Variants in TEAD1 observed in about 807,000 individuals in gnomAD.
TEAD1 encodes the protein TEA domain transcription factor 1.
A neutral mutation model predicts 54.9 loss-of-function variants in TEAD1; 9 were observed. The observed-to-expected ratio is 0.16, with a 90% CI of 0.10 to 0.29. TEAD1 has a LOEUF of 0.29. Among genes scored for constraint, TEAD1 ranks in the 10% least tolerant of loss-of-function variants. TEAD1 has a pLI of 1.00. For missense variants in TEAD1, 387 were observed against 535.9 expected (o/e 0.72, Z 2.74); for synonymous variants, 200 against 187.8 (o/e 1.07, Z -0.53).
chr11:12,929,868 G>A (rs1243020248), intron 11 of TEAD1, among the ~76,000 whole-genome samples: 1 of 152,044 alleles, frequency 6.6e-6, no homozygotes, highest in African/African-American at 2.4e-5. Flanking sequence ...ATCTCCTCCA[G>A]GTAAAGCATC....
intron 3 of TEAD1, among the ~76,000 whole-genome samples, chr11:12,856,672 T>C (rs1160178851): frequency 6.6e-6 from 1 of 152,214 alleles, no homozygotes; most frequent in Non-Finnish European, 1.5e-5. Context: ...GTTTTCTTTC[T>C]GATTTTCCTT....
At chr11:12,693,313 G>T (rs1475159748) in intron 2 of TEAD1, among the ~76,000 whole-genome samples, 1 of 152,232 alleles carries the variant, frequency 6.6e-6, no homozygotes. Flanking sequence ...AGCAGAGGAT[G>T]ATTTAAGAGA....
chr11:12,875,745 T>G (rs578261735), intron 5 of TEAD1, among the ~76,000 whole-genome samples: 3 of 152,284 alleles, frequency 2.0e-5, no homozygotes, highest in Admixed American at 2.0e-4. Context: ...GAAATTTCCT[T>G]TCTACACTTA....
At chr11:12,789,090 T>G (rs751558129) in intron 3 of TEAD1, among the ~76,000 whole-genome samples, 146 of 152,354 alleles carry the variant, frequency 9.6e-4, no homozygotes, top group Non-Finnish European at 1.3e-3. Context: ...ACACACATAA[T>G]AAATTGAGAT....
chr11:12,941,850 G>A lies in TEAD1; in HGVS notation c.*4628G>A, dbSNP rs371853718. The A allele has an allele frequency of 6.6e-6, 1 of 152,578 alleles. No homozygotes were observed. The allele number at this position is 152,578 out of a possible 1,614,324, so 9.5% of individuals were successfully genotyped here. ...ACTTTTGTAGGAAGTTTTCAATTCA[G>A]AGCTGCCAAAGTGTTCCCGTAAGCA... On this transcript the variant is annotated 3_prime_UTR_variant, in exon 13 of 13. Transcript: ENST00000527636.
intron 2 of TEAD1, among the ~76,000 whole-genome samples, chr11:12,732,852 T>G (rs1944450524): frequency 6.6e-6 from 1 of 152,224 alleles, no homozygotes; most frequent in South Asian, 2.1e-4. Flanking sequence ...TATCTGCTTC[T>G]TTTCTGCGAG....
At chr11:12,775,791 T>G (rs1344430184) in intron 3 of TEAD1, among the ~76,000 whole-genome samples, 16 of 152,292 alleles carry the variant, frequency 1.1e-4, no homozygotes, top group Non-Finnish European at 1.5e-4. Flanking sequence ...TTAATGGGAT[T>G]TTTTCAATCG....
At chr11:12,912,578 C>A (rs6486072) in intron 10 of TEAD1, among the ~76,000 whole-genome samples, 148,089 of 152,096 alleles carry the variant, frequency 0.97, 72,208 homozygotes, top group Middle Eastern at 1. Flanking sequence ...GGGTGGAAAC[C>A]CTGGTCACAG....
At chr11:12,834,234 A>G (rs373573011) in intron 3 of TEAD1, among the ~76,000 whole-genome samples, 2 of 152,198 alleles carry the variant, frequency 1.3e-5, no homozygotes, top group African/African-American at 2.4e-5. Context: ...GATATGAGTT[A>G]TGTGGAATAG....
chr11:12,675,743 T>G (rs1409523261), intron 2 of TEAD1, among the ~76,000 whole-genome samples, 182 bp downstream of exon 2: 2 of 152,254 alleles, frequency 1.3e-5, no homozygotes, highest in Non-Finnish European at 2.9e-5. Context: ...AAATAACTTT[T>G]GTATTTTTAA....
At chr11:12,835,929 A>G (rs867569746) in intron 3 of TEAD1, among the ~76,000 whole-genome samples, 37 of 152,164 alleles carry the variant, frequency 2.4e-4, no homozygotes, top group African/African-American at 8.0e-4. Context: ...CATAGTGACT[A>G]TAGTTAATAA....
intron 2 of TEAD1, among the ~76,000 whole-genome samples, chr11:12,738,430 T>C (rs376042045): frequency 2.0e-5 from 3 of 152,336 alleles, no homozygotes; most frequent in East Asian, 1.9e-4. Flanking sequence ...CTTCTGTTCC[T>C]GTAAAGAAGA....
At chr11:12,798,274 G>T (rs1945978959) in intron 3 of TEAD1, among the ~76,000 whole-genome samples, 1 of 152,052 alleles carries the variant, frequency 6.6e-6, no homozygotes. Context: ...ACCCCCATCA[G>T]TTTTTTTCTG....
At position 12,937,610 on chromosome 11, in the gene TEAD1, A is replaced by G. The variant is rs1949122077; in HGVS notation, c.*388A>G. ...GCCATGGGACATTTACAGCCTTTAT[A>G]CAAATGTATTTAGTTCTCTTTTTTC... On this transcript the variant is annotated 3_prime_UTR_variant, in exon 13 of 13. Transcript: ENST00000527636. 6.3e-6 allele frequency: 1 copy of G among 159,446 alleles called. No homozygotes were observed. 9.9% of individuals were successfully genotyped at this position (159,446 alleles called of 1,614,324 possible). A position where few individuals can be genotyped will look rare whatever the true frequency, so the allele number is the denominator to read the frequency against.
At chr11:12,879,324 C>T (rs987118578) in intron 5 of TEAD1, 35 of 442,194 alleles carry the variant, frequency 7.9e-5, no homozygotes, top group Admixed American at 2.5e-4. Context: ...TCTCACTCCT[C>T]CTCCCATCCG....
At chr11:12,856,921 C>A (rs1947395291) in intron 3 of TEAD1, among the ~76,000 whole-genome samples, 1 of 152,188 alleles carries the variant, frequency 6.6e-6, no homozygotes, top group Non-Finnish European at 1.5e-5. Flanking sequence ...GTGGCTCTTA[C>A]ACTGTTAAAG....
At chr11:12,791,810 G>GCCA (rs1945807934) in intron 3 of TEAD1, among the ~76,000 whole-genome samples, 1 of 152,174 alleles carries the variant, frequency 6.6e-6, no homozygotes, top group Non-Finnish European at 1.5e-5. Flanking sequence ...AAGCTAGGTG[G>GCCA]CCATAGGAAG....
At chr11:12,808,310 A>G (rs562492614) in intron 3 of TEAD1, among the ~76,000 whole-genome samples, 2 of 152,252 alleles carry the variant, frequency 1.3e-5, no homozygotes, top group South Asian at 4.1e-4. Flanking sequence ...ACAGGGCAGC[A>G]GACTTTCCAC....
chr11:12,862,007 A>T (rs4757958), intron 3 of TEAD1, among the ~76,000 whole-genome samples: 7,247 of 140,078 alleles, frequency 0.052, 295 homozygotes, highest in African/African-American at 0.11. Flanking sequence ...TTTTTTTTTT[A>T]AAAAAAAGGA....
Sources: gnomAD v4.1 joint callset for allele counts (sites outside exome capture counted in the v4.1 genomes callset) on GRCh38, gnomAD v4.1.1 for gene constraint, MANE v1.5 for transcripts, NCBI Gene and HGNC (gene_info 2026-07-23, HGNC 2026-07-21) for gene names.